The following TMEM117 variants were observed in gnomAD, a reference collection of about 807,000 sequenced individuals.
TMEM117 encodes the protein transmembrane protein 117.
In TMEM117, 27 loss-of-function variants were observed where a neutral mutation model predicts 52.4. The observed-to-expected ratio is 0.51, with a 90% confidence interval of 0.38 to 0.71. The LOEUF (loss-of-function observed/expected upper bound fraction) is 0.71, where lower values mean the gene tolerates loss of function less well. Ranked by LOEUF, TMEM117 falls within the 30% of genes least tolerant of loss-of-function variation. The probability of loss-of-function intolerance (pLI) is 0.00; values close to 1 mark genes in which losing one functional copy is unlikely to be tolerated. For synonymous variants in TMEM117, 215 were observed against 206.3 expected (o/e 1.04, Z -0.36); for missense variants, 556 against 630.5 (o/e 0.88, Z 1.26).
the TMEM117 span, chr12:43,799,467 C>T: frequency 6.2e-7 from 1 of 1,609,458 alleles, no homozygotes; most frequent in Non-Finnish European, 8.5e-7. Flanking sequence ...ATTGTGACAG[C>T]AAGTATTTTT....
At chr12:43,944,884 C>T (rs1945103671) in intron 3 of TMEM117, among the ~76,000 whole-genome samples, 1 of 151,948 alleles carries the variant, frequency 6.6e-6, no homozygotes, top group African/African-American at 2.4e-5. Flanking sequence ...GAGGCTGAGG[C>T]AGCGGATCAC....
chr12:44,072,559 C>T (rs1276728895), intron 3 of TMEM117, among the ~76,000 whole-genome samples: 2 of 152,270 alleles, frequency 1.3e-5, no homozygotes, highest in East Asian at 3.9e-4. Context: ...TCATAGGACC[C>T]TATATGGGGC....
At chr12:44,258,426 A>G (rs1245422660) in intron 5 of TMEM117, among the ~76,000 whole-genome samples, 5 of 152,082 alleles carry the variant, frequency 3.3e-5, no homozygotes, top group African/African-American at 1.2e-4. Flanking sequence ...CACTTATGGA[A>G]AACATTTTTT....
chr12:44,388,212 G>A lies in TMEM117; in HGVS notation c.1085G>A (p.Arg362Lys), dbSNP rs781626241. ...AGAACCAAGCTATCCTGGGAATGGAGGTCCAATCACACTAACCCTCGGACT... is the reference window on the plus strand; with the variant it reads ...AGAACCAAGCTATCCTGGGAATGGAAGTCCAATCACACTAACCCTCGGACT... ...LNRTKLSWEW[R>K]SNHTNPRTNK... Residue 362 changes from arginine (R) to lysine (K), a missense_variant, in exon 8 of 8, where the codon AGG (arginine) becomes AAG (lysine). By Grantham distance (26) the Arg-to-Lys change is conservative. Transcript: ENST00000266534. 16 of 1,613,444 alleles carry A rather than the reference G, an allele frequency of 9.9e-6. No individual in the cohort carries two copies. Among genetic ancestry groups the A allele is most frequent in the Non-Finnish European group, 1.4e-5 (16 of 1,179,614 alleles).
chr12:44,214,760 TC>T (rs1253160696), intron 5 of TMEM117, among the ~76,000 whole-genome samples: 1 of 152,236 alleles, frequency 6.6e-6, no homozygotes, highest in Non-Finnish European at 1.5e-5. Context: ...AAAATTTTTT[TC>T]CATTTTATCC....
chr12:44,191,353 ATCTATCTG>A (rs200768235), intron 4 of TMEM117, among the ~76,000 whole-genome samples: 1,715 of 151,906 alleles, frequency 0.011, 20 homozygotes, highest in South Asian at 0.05. Context: ...ATGTCTATCT[ATCTATCTG>A]TCTGTCTGTC....
chr12:44,124,505 T>A (rs980659555), intron 3 of TMEM117, among the ~76,000 whole-genome samples: 3 of 152,136 alleles, frequency 2.0e-5, no homozygotes, highest in African/African-American at 7.2e-5. Flanking sequence ...ATGCTTCCAG[T>A]TTTTGCCCAT....
intron 7 of TMEM117, among the ~76,000 whole-genome samples, chr12:44,378,863 C>A (rs575063121): frequency 6.6e-6 from 1 of 152,134 alleles, no homozygotes; most frequent in Non-Finnish European, 1.5e-5. Context: ...TTGGGGATGT[C>A]TCCTTTCTGA....
chr12:44,286,547 A>G (rs1205116614), intron 5 of TMEM117, among the ~76,000 whole-genome samples: 2 of 152,228 alleles, frequency 1.3e-5, no homozygotes, highest in African/African-American at 4.8e-5. Flanking sequence ...CTTTTGATTT[A>G]ATGACTGCTT....
At chr12:43,925,730 A>T (rs1265780086) in intron 2 of TMEM117, among the ~76,000 whole-genome samples, 1 of 152,146 alleles carries the variant, frequency 6.6e-6, no homozygotes, top group Admixed American at 6.5e-5. Context: ...CCTATGAATT[A>T]TATATATTTA....
At chr12:43,863,868 T>C (rs1298542460) in intron 2 of TMEM117, among the ~76,000 whole-genome samples, 1 of 152,190 alleles carries the variant, frequency 6.6e-6, no homozygotes, top group African/African-American at 2.4e-5. Context: ...AGGCTGGAGC[T>C]GGCTCCCTTG....
intron 3 of TMEM117, among the ~76,000 whole-genome samples, chr12:43,967,952 T>A (rs1945513477): frequency 6.6e-6 from 1 of 152,176 alleles, no homozygotes; most frequent in Non-Finnish European, 1.5e-5. Flanking sequence ...GGATAAGAGT[T>A]TTTCCTATGC....
At chr12:44,059,569 TACAAAA>T (rs1947107927) in intron 3 of TMEM117, among the ~76,000 whole-genome samples, 1 of 152,206 alleles carries the variant, frequency 6.6e-6, no homozygotes, top group Admixed American at 6.5e-5. Context: ...GTAAGTCATT[TACAAAA>T]GTTTGCACCA....
At chr12:43,867,598 T>C (rs747794081) in intron 2 of TMEM117, among the ~76,000 whole-genome samples, 1 of 150,344 alleles carries the variant, frequency 6.7e-6, no homozygotes, top group Non-Finnish European at 1.5e-5. Flanking sequence ...ATTTTAAATA[T>C]AACAACAGAG....
chr12:43,813,635 G>A, the TMEM117 span, among the ~76,000 whole-genome samples: 1 of 151,984 alleles, frequency 6.6e-6, no homozygotes, highest in Non-Finnish European at 1.5e-5. Context: ...GCCTACATGA[G>A]TCTCATCAGT....
intron 3 of TMEM117, among the ~76,000 whole-genome samples, chr12:44,090,645 C>G (rs1267929926): frequency 6.6e-6 from 1 of 151,510 alleles, no homozygotes; most frequent in Non-Finnish European, 1.5e-5. Flanking sequence ...CCATGTTGCT[C>G]AGGCTGGTCT....
intron 3 of TMEM117, among the ~76,000 whole-genome samples, chr12:44,096,269 G>A (rs1169155919): frequency 2.6e-5 from 4 of 152,238 alleles, no homozygotes; most frequent in East Asian, 1.9e-4. Flanking sequence ...AATCAATATC[G>A]TGTAAATGGC....
chr12:44,244,692 C>T (rs377028342), intron 5 of TMEM117, among the ~76,000 whole-genome samples: 3 of 151,878 alleles, frequency 2.0e-5, no homozygotes, highest in Non-Finnish European at 4.4e-5. Context: ...ATGCAGTAGG[C>T]TTTTCATTTG....
At chr12:44,228,801 C>A (rs1031318083) in intron 5 of TMEM117, among the ~76,000 whole-genome samples, 1 of 152,072 alleles carries the variant, frequency 6.6e-6, no homozygotes, top group Non-Finnish European at 1.5e-5. Context: ...GGTGGAGGGT[C>A]ATTTGAGATA....
Sources: gnomAD v4.1 joint callset for allele counts (sites outside exome capture counted in the v4.1 genomes callset) on GRCh38, gnomAD v4.1.1 for gene constraint, MANE v1.5 for transcripts, NCBI Gene and HGNC (gene_info 2026-07-23, HGNC 2026-07-21) for gene names.